Variants in HPSE2 observed in about 807,000 individuals in gnomAD.
HPSE2 encodes inactive heparanase-2.
Under a neutral mutation model 60.5 loss-of-function variants are expected in HPSE2, and 38 were observed. That is an observed-to-expected ratio of 0.63 (90% confidence interval 0.48 to 0.82). HPSE2 has a LOEUF of 0.82. Ranked by LOEUF, HPSE2 falls within the 40% of genes least tolerant of loss-of-function variation. HPSE2 has a pLI of 0.00. For missense variants in HPSE2, 713 were observed against 740.4 expected, an observed-to-expected ratio of 0.96 and a Z score of 0.43; for synonymous variants, 295 against 293.2, an observed-to-expected ratio of 1.01 and a Z score of -0.06.
chr10:98,652,163 C>A (rs938776280), intron 6 of HPSE2, among the ~76,000 whole-genome samples: 2 of 151,988 alleles, frequency 1.3e-5, no homozygotes, highest in Non-Finnish European at 2.9e-5. Flanking sequence ...AAATTAAGAT[C>A]AAAAAAGGTA....
chr10:98,887,688 T>C (rs1009648625), intron 3 of HPSE2, among the ~76,000 whole-genome samples: 2 of 151,912 alleles, frequency 1.3e-5, no homozygotes, highest in African/African-American at 4.8e-5. Context: ...TAATGCAATA[T>C]TAAAGACAAA....
intron 3 of HPSE2, among the ~76,000 whole-genome samples, chr10:98,885,906 T>C (rs1953150293): frequency 6.6e-6 from 1 of 152,060 alleles, no homozygotes. Context: ...TCTGTTACTA[T>C]GGTGAAATCT....
intron 2 of HPSE2, among the ~76,000 whole-genome samples, chr10:99,153,329 A>C (rs376024845): frequency 3.7e-4 from 56 of 151,320 alleles, no homozygotes; most frequent in South Asian, 2.1e-4. Context: ...ACAGCAGTAA[A>C]CTCTGCAGAC....
At chr10:99,202,262 G>A (rs2133887359) in intron 2 of HPSE2, among the ~76,000 whole-genome samples, 1 of 152,238 alleles carries the variant, frequency 6.6e-6, no homozygotes, top group Middle Eastern at 3.4e-3. Flanking sequence ...AAATCCTCAG[G>A]CATCATTATT....
chr10:98,726,601 G>A (rs1034153984), intron 4 of HPSE2, among the ~76,000 whole-genome samples: 9 of 149,362 alleles, frequency 6.0e-5, no homozygotes, highest in Admixed American at 3.4e-4. Context: ...AAACCTGCAC[G>A]TTGTGCACAT....
chr10:99,234,046 C>A (rs970583732), intron 1 of HPSE2, among the ~76,000 whole-genome samples: 31 of 152,160 alleles, frequency 2.0e-4, no homozygotes, highest in African/African-American at 7.2e-4. Context: ...TGAAGGAGTT[C>A]AATGAAAGTG....
In HPSE2 at chr10:99,061,433, G is replaced by A. The variant is rs541439796; in HGVS notation, c.610+82805C>T. Among the ~76,000 whole-genome samples the A allele has an allele frequency of 8.3e-4, 127 of 152,276 alleles. 3 individuals carry two copies. In the South Asian group the frequency reaches 0.025, roughly 31 times the overall value. ...ACTTAGAAGACTAAATGTAGCTGGG[G>A]TTTGTTTTCATTTGTTTTTTATCAG... On this transcript the variant is annotated intron_variant, in intron 3 of 11. Coordinates refer to ENST00000370552, the MANE Select transcript of HPSE2 (RefSeq NM_021828.5).
chr10:98,508,377 G>C (rs1433274506), intron 9 of HPSE2, among the ~76,000 whole-genome samples: 1 of 152,166 alleles, frequency 6.6e-6, no homozygotes, highest in African/African-American at 2.4e-5. Context: ...TACAGAATTT[G>C]CTGGATTAAT....
intron 6 of HPSE2, among the ~76,000 whole-genome samples, chr10:98,692,686 G>A (rs551075001): frequency 5.3e-5 from 8 of 152,048 alleles, no homozygotes; most frequent in Non-Finnish European, 8.8e-5. Context: ...GGAGATTGGC[G>A]TGAACCCAGG....
chr10:99,264,203 TCA>T, the HPSE2 span, among the ~76,000 whole-genome samples: 40 of 151,944 alleles, frequency 2.6e-4, no homozygotes, highest in African/African-American at 9.2e-4. Flanking sequence ...TTCTCCTGCC[TCA>T]GACTCCCAAG....
At chr10:98,959,131 T>G (rs1955583369) in intron 3 of HPSE2, among the ~76,000 whole-genome samples, 2 of 152,106 alleles carry the variant, frequency 1.3e-5, no homozygotes, top group Admixed American at 1.3e-4. Context: ...AGAAGGTGAC[T>G]AGGACATAGA....
chr10:98,971,218 C>T (rs188418269), intron 3 of HPSE2, among the ~76,000 whole-genome samples: 7 of 152,326 alleles, frequency 4.6e-5, no homozygotes, highest in African/African-American at 1.7e-4. Flanking sequence ...AGAATAACAA[C>T]ATAATCCATT....
intron 3 of HPSE2, among the ~76,000 whole-genome samples, chr10:98,883,375 A>T (rs1469540174): frequency 6.6e-6 from 1 of 152,144 alleles, no homozygotes. Context: ...TCAGCCAAGA[A>T]ACTTTATAAT....
chr10:98,516,269 G>C (rs1942598663), intron 9 of HPSE2, among the ~76,000 whole-genome samples: 1 of 152,184 alleles, frequency 6.6e-6, no homozygotes. Context: ...CTCAGCGACA[G>C]AAAGCAATTT....
rs140164018 is a variant in HPSE2 at position 99,177,581 on chromosome 10, A to G, written c.449-33182T>C. Among the ~76,000 whole-genome samples, 340 of 152,278 alleles carry G rather than the reference A, an allele frequency of 2.2e-3. No homozygotes were observed. The Middle Eastern group carries it at 0.031, about 14-fold the overall frequency. Reference sequence around the variant, plus strand: ...CAACAAGAACAGCTAATTATCCTAAATGTATATGCACCCAATACAGGAGCA... The same window carrying G: ...CAACAAGAACAGCTAATTATCCTAAGTGTATATGCACCCAATACAGGAGCA... On this transcript the variant is annotated intron_variant, in intron 2 of 11. Transcript: ENST00000370552.
At chr10:98,723,156 TGA>T (rs1948973149) in intron 4 of HPSE2, among the ~76,000 whole-genome samples, 2 of 152,216 alleles carry the variant, frequency 1.3e-5, no homozygotes, top group Non-Finnish European at 2.9e-5. Context: ...CCTAATTTAT[TGA>T]GAGTTTTTAG....
chr10:99,149,194 C>G (rs1846168957), intron 2 of HPSE2, among the ~76,000 whole-genome samples: 1 of 151,998 alleles, frequency 6.6e-6, no homozygotes, highest in African/African-American at 2.4e-5. Flanking sequence ...CTGTTCAGTT[C>G]CACGTGAGAA....
intron 3 of HPSE2, among the ~76,000 whole-genome samples, chr10:98,933,399 C>T (rs1954696052): frequency 6.9e-6 from 1 of 144,032 alleles, no homozygotes; most frequent in Non-Finnish European, 1.5e-5. Flanking sequence ...GAATAAGTGC[C>T]ATGTGGCACC....
intron 2 of HPSE2, among the ~76,000 whole-genome samples, chr10:99,161,594 G>A (rs1846848449): frequency 6.6e-6 from 1 of 152,100 alleles, no homozygotes; most frequent in African/African-American, 2.4e-5. Flanking sequence ...AATGTTCTAA[G>A]GATGAAGATA....
Sources: allele counts gnomAD v4.1 joint callset (sites outside exome capture counted in the v4.1 genomes callset), GRCh38; gene constraint gnomAD v4.1.1; transcripts MANE v1.5; gene names NCBI Gene and HGNC (gene_info 2026-07-23, HGNC 2026-07-21).